The following ULK4 variants were observed in gnomAD, a reference collection of about 807,000 sequenced individuals.
ULK4 encodes inactive serine/threonine-protein kinase ULK4.
In ULK4, 133 loss-of-function variants were observed where a neutral mutation model predicts 160.6. The observed-to-expected ratio is 0.83, with a 90% CI of 0.72 to 0.96. The LOEUF (loss-of-function observed/expected upper bound fraction) is 0.96. Among genes scored for constraint, ULK4 ranks in the 40% least tolerant of loss-of-function variants. ULK4 has a pLI of 0.00. For synonymous variants in ULK4, 534 were observed against 539.8 expected (o/e 0.99, Z 0.15); for missense variants, 1,580 against 1,499.5 (o/e 1.05, Z -0.89).
chr3:41,918,548 C>A lies in ULK4; in HGVS notation c.644-8G>T, dbSNP rs1420811342. On this transcript the variant is annotated splice_region_variant and splice_polypyrimidine_tract_variant and intron_variant, in intron 6 of 36. Coordinates refer to ENST00000301831, the MANE Select transcript of ULK4 (RefSeq NM_017886.4). The stretch of plus-strand genomic sequence containing the variant: ...AGAAGAATGGAGGTTTTCCTGAAAT[C>A]ACATGAAAACTTGCAAAATGAAAGA... 2.7e-6 allele frequency: 4 copies of A among 1,461,170 alleles called. No individual in the cohort carries two copies. The highest frequency in any genetic ancestry group is 2.7e-5 in the South Asian group (2 of 75,350). The allele number at this position is 1,461,170 out of a possible 1,614,324, so 90.5% of individuals were successfully genotyped here.
intron 31 of ULK4, among the ~76,000 whole-genome samples, chr3:41,595,801 A>G (rs892167056): frequency 6.6e-6 from 1 of 152,238 alleles, no homozygotes. Flanking sequence ...TCAGTAAAGA[A>G]GAGAAACCAA....
At chr3:41,392,928 A>G (rs1185695593) in intron 35 of ULK4, among the ~76,000 whole-genome samples, 1 of 152,278 alleles carries the variant, frequency 6.6e-6, no homozygotes, top group Admixed American at 6.5e-5. Flanking sequence ...AAGTCACAGG[A>G]AACTTCTGCT....
At position 41,623,674 on chromosome 3, in the gene ULK4, G is replaced by A. The variant is rs76048418; in HGVS notation, c.3072-7957C>T. ...AAAGTCAAACTCAAGAGAAGTAGAG[G>A]GTAGAATGGTGGTTACCAGAGTGGG... is the stretch of plus-strand genomic sequence containing the variant. On this transcript the variant is annotated intron_variant, in intron 30 of 36. Transcript: ENST00000301831. Among the ~76,000 whole-genome samples the A allele has an allele frequency of 3.8e-3, 575 of 152,256 alleles. 4 individuals carry two copies. The highest frequency in any genetic ancestry group is 6.9e-3 in the Non-Finnish European group (469 of 68,018).
At chr3:41,746,834 A>T (rs2038438227) in intron 22 of ULK4, among the ~76,000 whole-genome samples, 1 of 151,962 alleles carries the variant, frequency 6.6e-6, no homozygotes, top group Non-Finnish European at 1.5e-5. Flanking sequence ...GAGAACCCAG[A>T]AGCAACCCCA....
At chr3:41,346,261 CTG>C (rs1177737728) in intron 35 of ULK4, among the ~76,000 whole-genome samples, 2 of 152,132 alleles carry the variant, frequency 1.3e-5, no homozygotes, top group Non-Finnish European at 2.9e-5. Flanking sequence ...ATCTGTGGGG[CTG>C]TCTTTTCTTC....
At position 41,647,884 on chromosome 3, in the gene ULK4, G is replaced by A. The variant is rs551061476; in HGVS notation, c.3071+15723C>T. ...CTTCCCAGCTGCTTTGTGTACCTAC[G>A]CAAGCCTGAGCAATGGCGGGCGCCC... On this transcript the variant is annotated intron_variant, in intron 30 of 36. Transcript: ENST00000301831. 7.4e-4 allele frequency among the ~76,000 whole-genome samples: 112 copies of A among 152,338 alleles called. 1 individual carries two copies. The highest frequency in any genetic ancestry group is 3.4e-3 in the Middle Eastern group (1 of 294).
intron 9 of ULK4, among the ~76,000 whole-genome samples, chr3:41,911,997 T>C (rs1298652912): frequency 6.6e-6 from 1 of 150,752 alleles, no homozygotes; most frequent in East Asian, 1.9e-4. Flanking sequence ...TACTTTTTTG[T>C]TTTTAACAAT....
chr3:41,606,044 T>G (rs2032367603), intron 31 of ULK4, among the ~76,000 whole-genome samples: 1 of 151,980 alleles, frequency 6.6e-6, no homozygotes, highest in South Asian at 2.1e-4. Flanking sequence ...TATGTTGAAC[T>G]AAGTGAAACT....
At chr3:41,472,967 C>T (rs1157575243) in intron 32 of ULK4, among the ~76,000 whole-genome samples, 1 of 152,070 alleles carries the variant, frequency 6.6e-6, no homozygotes, top group Admixed American at 6.5e-5. Context: ...GATGGTTCAA[C>T]ATATGCAAAT....
intron 35 of ULK4, among the ~76,000 whole-genome samples, chr3:41,364,185 A>G (rs2081205410): frequency 1.3e-5 from 2 of 152,200 alleles, no homozygotes; most frequent in African/African-American, 4.8e-5. Context: ...TGATCTTCCT[A>G]TCTTGGCCTC....
intron 32 of ULK4, among the ~76,000 whole-genome samples, chr3:41,565,316 C>G (rs1473406252): frequency 2.0e-5 from 3 of 152,200 alleles, no homozygotes; most frequent in Non-Finnish European, 4.4e-5. Flanking sequence ...GTCTCATTTT[C>G]CAAGGCGCTT....
chr3:41,309,792 G>GA (rs1432832103), intron 35 of ULK4, among the ~76,000 whole-genome samples: 1 of 150,856 alleles, frequency 6.6e-6, no homozygotes, highest in Non-Finnish European at 1.5e-5. Flanking sequence ...AGGTATTTTA[G>GA]AAAAAACAGA....
intron 32 of ULK4, among the ~76,000 whole-genome samples, chr3:41,500,705 G>A (rs1284441224): frequency 6.6e-6 from 1 of 152,156 alleles, no homozygotes; most frequent in Non-Finnish European, 1.5e-5. Context: ...AGCACAGCCA[G>A]TTCTGGAATG....
Position 41,857,546 on chromosome 3 carries a change from GTTCTGCT to G in ULK4, c.1657-21582_1657-21576del, listed in dbSNP as rs2042390287. ...GTTTGAGTAGGATTGGTATCAGTTG[GTTCTGCT>G]TTAAATGTTAGGTAGAATTCAGCAG... On this transcript the variant is annotated intron_variant, in intron 17 of 36. Transcript: ENST00000301831. Among the ~76,000 whole-genome samples the G allele has an allele frequency of 2.0e-5, 3 of 152,188 alleles. No homozygotes were observed. In the South Asian group the frequency reaches 6.2e-4, roughly 32 times the overall value.
At chr3:41,414,003 G>C (rs184649129) in intron 34 of ULK4, among the ~76,000 whole-genome samples, 64 of 152,156 alleles carry the variant, frequency 4.2e-4, no homozygotes, top group Non-Finnish European at 2.8e-4. Context: ...TCAGGAGTTC[G>C]AGACCAGCCT....
At chr3:41,795,275 T>C (rs1237885199) in intron 20 of ULK4, among the ~76,000 whole-genome samples, 1 of 152,188 alleles carries the variant, frequency 6.6e-6, no homozygotes, top group African/African-American at 2.4e-5. Context: ...ATTTTTTTTG[T>C]TAAGATTATG....
At chr3:41,795,955 A>C (rs996394575) in intron 20 of ULK4, among the ~76,000 whole-genome samples, 16 of 152,218 alleles carry the variant, frequency 1.1e-4, no homozygotes, top group Non-Finnish European at 1.2e-4. Flanking sequence ...GTAAACAATA[A>C]AGTGGAAGAA....
intron 32 of ULK4, among the ~76,000 whole-genome samples, chr3:41,475,762 C>T (rs1403786134): frequency 6.6e-6 from 1 of 152,152 alleles, no homozygotes; most frequent in Non-Finnish European, 1.5e-5. Flanking sequence ...TGAAGTCAGA[C>T]TTCAAGCTAC....
At chr3:41,433,689 TCCTAAAATCCAAAA>T (rs2082965214) in intron 34 of ULK4, among the ~76,000 whole-genome samples, 1 of 152,036 alleles carries the variant, frequency 6.6e-6, no homozygotes, top group South Asian at 2.1e-4. Flanking sequence ...GCATCTCTAA[TCCTAAAATCCAAAA>T]CCTAAAATGC....
Sources: gnomAD v4.1 joint callset for allele counts (sites outside exome capture counted in the v4.1 genomes callset) on GRCh38, gnomAD v4.1.1 for gene constraint, MANE v1.5 for transcripts, NCBI Gene and HGNC (gene_info 2026-07-23, HGNC 2026-07-21) for gene names.